The following CLYBL variants were observed in gnomAD, a reference collection of about 807,000 sequenced individuals.
CLYBL encodes citramalyl-CoA lyase.
CLYBL carries 31 observed loss-of-function variants against 38.9 expected under a neutral mutation model. The observed-to-expected ratio is 0.80, with a 90% CI of 0.60 to 1.08. CLYBL has a LOEUF of 1.08. CLYBL is among the 50% of genes least tolerant of loss of function. The pLI, the probability that CLYBL is intolerant of heterozygous loss-of-function variation, is 0.00. For synonymous variants in CLYBL, 171 were observed against 158.6 expected, an observed-to-expected ratio of 1.08 and a Z score of -0.59; for missense variants, 434 against 411.6, an observed-to-expected ratio of 1.05 and a Z score of -0.47.
chr13:99,825,461 C>A (rs1319352124), intron 2 of CLYBL, among the ~76,000 whole-genome samples: 2 of 152,140 alleles, frequency 1.3e-5, no homozygotes, highest in Admixed American at 6.6e-5. Context: ...AAATGACACA[C>A]TTTTGTTCCA....
chr13:99,644,118 GTATATGTGGTGTATGTATGTA>G (rs1295299408), intron 1 of CLYBL, among the ~76,000 whole-genome samples: 5 of 141,350 alleles, frequency 3.5e-5, no homozygotes, highest in African/African-American at 1.3e-4. Flanking sequence ...GTGTATGTAT[GTATATGTGGTGTATGTATGTA>G]TATGTGGTGT....
chr13:99,708,380 C>T (rs568776540), intron 1 of CLYBL, among the ~76,000 whole-genome samples: 1 of 152,286 alleles, frequency 6.6e-6, no homozygotes, highest in East Asian at 1.9e-4. Flanking sequence ...TTCATTTATT[C>T]ACTCACTCAC....
chr13:99,904,615 C>A (rs2052675883), intron 8 of CLYBL, among the ~76,000 whole-genome samples: 1 of 152,170 alleles, frequency 6.6e-6, no homozygotes, highest in Admixed American at 6.5e-5. Context: ...TAAATGTCAC[C>A]TAAAAGAAAT....
intron 1 of CLYBL, among the ~76,000 whole-genome samples, chr13:99,705,388 C>T (rs2048131403): frequency 6.6e-6 from 1 of 152,152 alleles, no homozygotes; most frequent in Non-Finnish European, 1.5e-5. Context: ...TAAGACCATC[C>T]TGACCAACAT....
At chr13:99,729,573 CTCA>C (rs1038571061) in intron 1 of CLYBL, among the ~76,000 whole-genome samples, 2 of 152,154 alleles carry the variant, frequency 1.3e-5, no homozygotes, top group African/African-American at 2.4e-5. Context: ...AGGCCGGAGA[CTCA>C]TCATCACTGC....
chr13:99,812,202 CA>C (rs2050356024), intron 2 of CLYBL, among the ~76,000 whole-genome samples: 1 of 152,086 alleles, frequency 6.6e-6, no homozygotes, highest in African/African-American at 2.4e-5. Flanking sequence ...TTTTAAAGTC[CA>C]AAAACTTCTT....
At chr13:99,839,267 G>A (rs1456720728) in intron 2 of CLYBL, among the ~76,000 whole-genome samples, 1 of 152,224 alleles carries the variant, frequency 6.6e-6, no homozygotes, top group Non-Finnish European at 1.5e-5. Flanking sequence ...AAGTGTATCA[G>A]AGGGTTTCAG....
chr13:99,841,812 CTTTTTT>C (rs67827288), intron 2 of CLYBL, among the ~76,000 whole-genome samples: 4 of 105,386 alleles, frequency 3.8e-5, no homozygotes, highest in African/African-American at 1.7e-4. Context: ...TTTTCTTTTC[CTTTTTT>C]TTTTTTTTTT....
Position 99,869,362 on chromosome 13 carries a change from A to AAATT in CLYBL, c.803-1576_803-1575insAATT, listed in dbSNP as rs1261621893. ...ATTATGAAATTCAGGGCTAACAATT[A>AAATT]GGAGGAAATGACTACCAGAACTGAC... On this transcript the variant is annotated intron_variant, in intron 6 of 8. Coordinates refer to ENST00000339105, the MANE Select transcript of CLYBL (RefSeq NM_206808.5). The surrounding 1 kb of genome is among the most constrained non-coding windows in gnomAD (Gnocchi z 4.3). 6.6e-6 allele frequency among the ~76,000 whole-genome samples: 1 copy of AAATT among 152,200 alleles called. No individual in the cohort carries two copies. The highest frequency in any genetic ancestry group is 2.4e-5 in the African/African-American group (1 of 41,474).
chr13:99,836,986 A>G (rs947512054), intron 2 of CLYBL, among the ~76,000 whole-genome samples: 4 of 152,098 alleles, frequency 2.6e-5, no homozygotes, highest in African/African-American at 9.7e-5. Context: ...ACATGTATAC[A>G]TATGTAACAA....
intron 1 of CLYBL, among the ~76,000 whole-genome samples, chr13:99,764,186 T>C (rs2049222535): frequency 6.6e-6 from 1 of 152,000 alleles, no homozygotes; most frequent in Non-Finnish European, 1.5e-5. Context: ...GCCACCCAAG[T>C]AGCTAGGACT....
At position 99,637,831 on chromosome 13, in the gene CLYBL, C is replaced by T. The variant is rs976986164; in HGVS notation, c.62+31074C>T. ...TTTATGAATGATGTCTGTGTGTATC[C>T]GTATACATACATCCATTCATATTTC... On this transcript the variant is annotated intron_variant, in intron 1 of 8. Coordinates refer to ENST00000339105, the MANE Select transcript of CLYBL (RefSeq NM_206808.5). 1.1e-4 allele frequency among the ~76,000 whole-genome samples: 17 copies of T among 151,960 alleles called. No individual in the cohort carries two copies. The South Asian group carries it at 1.2e-3, about 11-fold the overall frequency.
intron 2 of CLYBL, among the ~76,000 whole-genome samples, chr13:99,788,775 G>A (rs539257347): frequency 4.0e-4 from 61 of 152,306 alleles, no homozygotes; most frequent in Middle Eastern, 3.4e-3. Context: ...CAGAAGGAAT[G>A]GTACCAGCTC....
Position 99,615,426 on chromosome 13 carries a change from T to A in CLYBL, c.62+8669T>A, listed in dbSNP as rs533801894. Among the ~76,000 whole-genome samples, 16 of 152,360 alleles carry A rather than the reference T, an allele frequency of 1.1e-4. 1 individual carries two copies. The South Asian group carries it at 3.3e-3, about 32-fold the overall frequency. ...GGAGCTATTAGTACGTTTAATTAAA[T>A]TTTTTAACATATAAAAAGTTGTTAA... is the stretch of plus-strand genomic sequence containing the variant. On this transcript the variant is annotated intron_variant, in intron 1 of 8. Transcript: ENST00000339105.
In CLYBL at chr13:99,695,515, AT is replaced by A. The variant is rs372645421; in HGVS notation, c.63-77299del. 9.5e-4 allele frequency among the ~76,000 whole-genome samples: 142 copies of A among 149,592 alleles called. 1 individual carries two copies. The highest frequency in any genetic ancestry group is 2.4e-3 in the African/African-American group (99 of 40,834). ...ATTCTTCTTGGTGTTCCTGTGTGAC[AT>A]TTTTTTTTTCCTTTTTGTTTTGAGA... On this transcript the variant is annotated intron_variant, in intron 1 of 8. Coordinates refer to ENST00000339105, the MANE Select transcript of CLYBL (RefSeq NM_206808.5).
At chr13:99,759,640 G>T (rs2049128876) in intron 1 of CLYBL, among the ~76,000 whole-genome samples, 2 of 152,126 alleles carry the variant, frequency 1.3e-5, no homozygotes, top group Admixed American at 1.3e-4. Flanking sequence ...CTGGTGCTGG[G>T]CTGTGTCAAC....
At chr13:99,638,422 C>G (rs1394924810) in intron 1 of CLYBL, among the ~76,000 whole-genome samples, 1 of 152,222 alleles carries the variant, frequency 6.6e-6, no homozygotes, top group Admixed American at 6.5e-5. Context: ...GACATACACA[C>G]ACACAATATA....
At chr13:99,860,126 G>A (rs1165819790) in intron 3 of CLYBL, among the ~76,000 whole-genome samples, 1 of 152,140 alleles carries the variant, frequency 6.6e-6, no homozygotes, top group Non-Finnish European at 1.5e-5. Flanking sequence ...CACAAATGGA[G>A]ATGTGCTGGA....
intron 2 of CLYBL, among the ~76,000 whole-genome samples, chr13:99,796,788 G>T (rs2050030403): frequency 6.6e-6 from 1 of 152,166 alleles, no homozygotes; most frequent in African/African-American, 2.4e-5. Flanking sequence ...CTGTGGGGTG[G>T]CATCTTGGAG....
Sources: gnomAD v4.1 joint callset for allele counts (sites outside exome capture counted in the v4.1 genomes callset) on GRCh38, gnomAD v4.1.1 for gene constraint, Gnocchi (gnomAD v3.1) non-coding constraint, MANE v1.5 for transcripts, NCBI Gene and HGNC (gene_info 2026-07-23, HGNC 2026-07-21) for gene names.